COL5A2: variants seen among roughly 807,000 people sequenced by gnomAD.
COL5A2 encodes collagen alpha-2(V) chain.
Under a neutral mutation model 208.2 loss-of-function variants are expected in COL5A2, and 23 were observed. That is an observed-to-expected ratio of 0.11 (90% CI 0.08 to 0.16). The LOEUF (loss-of-function observed/expected upper bound fraction) is 0.16. Ranked by LOEUF, COL5A2 falls within the 10% of genes least tolerant of loss-of-function variation. The probability of loss-of-function intolerance (pLI) is 1.00; values close to 1 mark genes in which losing one functional copy is unlikely to be tolerated. For synonymous variants in COL5A2, 625 were observed against 628.5 expected (o/e 0.99, Z 0.08); for missense variants, 1,590 against 1,956.4 (o/e 0.81, Z 3.53).
At chr2:189,239,044 A>G in the COL5A2 span, among the ~76,000 whole-genome samples, 1 of 152,176 alleles carries the variant, frequency 6.6e-6, no homozygotes, top group Non-Finnish European at 1.5e-5. Context: ...TAGGCAGGTA[A>G]TATGAGTTAG....
the COL5A2 span, among the ~76,000 whole-genome samples, chr2:189,350,800 C>T: frequency 2.6e-5 from 4 of 152,136 alleles, no homozygotes; most frequent in Admixed American, 2.0e-4. Flanking sequence ...AGAATTAGAC[C>T]AGACTAGTCA....
chr2:189,050,925 A>AATT (rs1445967780), intron 42 of COL5A2, among the ~76,000 whole-genome samples: 1 of 152,202 alleles, frequency 6.6e-6, no homozygotes, highest in Non-Finnish European at 1.5e-5. Flanking sequence ...TGACTCAATA[A>AATT]AAGAGGTAAC....
chr2:189,088,867 T>C (rs944620136), intron 7 of COL5A2, 95 bp from the exon 8 acceptor site: 2 of 943,188 alleles, frequency 2.1e-6, no homozygotes, highest in African/African-American at 3.2e-5. Flanking sequence ...AGAATTCTTA[T>C]AGAATGACTC....
the COL5A2 span, among the ~76,000 whole-genome samples, chr2:189,305,902 T>A: frequency 6.6e-6 from 1 of 152,118 alleles, no homozygotes; most frequent in Non-Finnish European, 1.5e-5. Context: ...CTCTTTCTAT[T>A]AGGACATGTT....
the COL5A2 span, among the ~76,000 whole-genome samples, chr2:189,289,055 G>A: frequency 6.6e-5 from 10 of 152,130 alleles, no homozygotes; most frequent in Admixed American, 2.6e-4. Context: ...AATGTACCTC[G>A]ACATGGCTGG....
At chr2:189,080,091 A>G (rs1686498222) in intron 13 of COL5A2, 60 bp from the exon 14 acceptor site, 1 of 1,299,476 alleles carries the variant, frequency 7.7e-7, no homozygotes, top group African/African-American at 1.5e-5. Flanking sequence ...TCAAAGGCAT[A>G]AGAACCAAAA....
the COL5A2 span, among the ~76,000 whole-genome samples, chr2:189,440,652 G>T: frequency 6.6e-6 from 1 of 152,104 alleles, no homozygotes; most frequent in East Asian, 1.9e-4. Context: ...TAATATACAG[G>T]GTCCAAGAAT....
the COL5A2 span, among the ~76,000 whole-genome samples, chr2:189,245,806 G>T: frequency 2.6e-5 from 4 of 152,190 alleles, no homozygotes; most frequent in Non-Finnish European, 4.4e-5. Flanking sequence ...ATTTAGCTAA[G>T]AAGATTGTTC....
chr2:189,397,371 T>C, the COL5A2 span, among the ~76,000 whole-genome samples: 2 of 152,210 alleles, frequency 1.3e-5, no homozygotes, highest in Non-Finnish European at 2.9e-5. Flanking sequence ...AGCAATGTAG[T>C]AAGAATATTT....
chr2:189,283,462 T>G, the COL5A2 span, among the ~76,000 whole-genome samples: 1 of 151,964 alleles, frequency 6.6e-6, no homozygotes, highest in African/African-American at 2.4e-5. Flanking sequence ...AAACAAATAC[T>G]AATTGAACAA....
At chr2:189,321,523 CT>C in the COL5A2 span, among the ~76,000 whole-genome samples, 1 of 152,078 alleles carries the variant, frequency 6.6e-6, no homozygotes, top group African/African-American at 2.4e-5. Context: ...ATCCTAGTCT[CT>C]GATAAAACAA....
At chr2:189,160,828 CTTTTT>C (rs1013116673) in intron 1 of COL5A2, among the ~76,000 whole-genome samples, 1 of 132,014 alleles carries the variant, frequency 7.6e-6, no homozygotes, top group Non-Finnish European at 1.6e-5. Context: ...TTTCTTTTTC[CTTTTT>C]TTTTTTTTTT....
At chr2:189,059,670 C>G (rs552734700) in intron 31 of COL5A2, among the ~76,000 whole-genome samples, 2 of 130,002 alleles carry the variant, frequency 1.5e-5, no homozygotes, top group South Asian at 5.4e-4. Context: ...GATCTTGGCT[C>G]ACTGCAACCT....
intron 22 of COL5A2, 37 bp from the exon 23 acceptor site, chr2:189,066,534 A>C: frequency 6.3e-7 from 1 of 1,595,558 alleles, no homozygotes; most frequent in Non-Finnish European, 8.6e-7. Context: ...AGAAAGACCC[A>C]TCCAACCAGT....
At chr2:189,377,500 T>C in the COL5A2 span, among the ~76,000 whole-genome samples, 1 of 152,242 alleles carries the variant, frequency 6.6e-6, no homozygotes, top group Non-Finnish European at 1.5e-5. Flanking sequence ...GTTTCTTGAA[T>C]AGTACTTACA....
rs770424282 is a variant in COL5A2, at chr2:189,066,458, C to T, written c.1495G>A (p.Glu499Lys). ...GIQGPIGPPGEEGKRGPRGDP... is the reference protein window; with the variant it reads ...GIQGPIGPPGKEGKRGPRGDP... ...CCTCTGGGACCTCTTTTGCCTTCTTCACCGGGTGGGCCTATCGGACCCTGA... is the reference window on the plus strand; with the variant it reads ...CCTCTGGGACCTCTTTTGCCTTCTTTACCGGGTGGGCCTATCGGACCCTGA... The change falls in exon 23 of 54, where the codon GAA (glutamate) becomes AAA (lysine). Residue 499 changes from glutamate to lysine, a missense_variant. Glu to Lys is a moderately conservative substitution (Grantham distance 56). Transcript: ENST00000374866. The T allele has an allele frequency of 3.1e-6, 5 of 1,614,204 alleles. No individual in the cohort carries two copies. Among genetic ancestry groups the T allele is most frequent in the Admixed American group, 1.7e-5 (1 of 60,018 alleles).
chr2:189,098,352 C>T (rs1002450666), intron 5 of COL5A2, among the ~76,000 whole-genome samples: 1 of 152,174 alleles, frequency 6.6e-6, no homozygotes, highest in Non-Finnish European at 1.5e-5. Context: ...AATTCTACTG[C>T]AATATATAAT....
intron 1 of COL5A2, among the ~76,000 whole-genome samples, chr2:189,113,028 G>A (rs567101181): frequency 3.3e-5 from 5 of 152,284 alleles, no homozygotes; most frequent in South Asian, 2.1e-4. Flanking sequence ...GCTATTACCT[G>A]AAAATGAGAT....
intron 23 of COL5A2, among the ~76,000 whole-genome samples, chr2:189,066,087 C>A (rs1268104028): frequency 6.6e-6 from 1 of 152,230 alleles, no homozygotes; most frequent in Non-Finnish European, 1.5e-5. Context: ...TACCTCTCCA[C>A]TAAAATAAAC....
Sources: allele counts gnomAD v4.1 joint callset (sites outside exome capture counted in the v4.1 genomes callset), GRCh38; gene constraint gnomAD v4.1.1; transcripts MANE v1.5; gene names NCBI Gene and HGNC (gene_info 2026-07-23, HGNC 2026-07-21).